Variants in DPP10 observed in about 807,000 individuals in gnomAD.
The protein encoded by DPP10 is dipeptidyl peptidase like 10, also known as inactive dipeptidyl peptidase 10.
Under a neutral mutation model 120.9 loss-of-function variants are expected in DPP10, and 33 were observed. The ratio of observed to expected loss-of-function variants is 0.27; its 90% CI spans 0.21 to 0.37. The LOEUF is 0.37. Among genes scored for constraint, DPP10 ranks in the 10% least tolerant of loss-of-function variants. The pLI is 1.00. For synonymous variants in DPP10, 337 were observed against 326.1 expected (o/e 1.03, Z -0.36); for missense variants, 816 against 942.8 (o/e 0.87, Z 1.76).
intron 3 of DPP10, among the ~76,000 whole-genome samples, chr2:115,458,443 TAAAA>T (rs761584969): frequency 6.6e-5 from 10 of 152,110 alleles, no homozygotes; most frequent in Admixed American, 1.3e-4. Flanking sequence ...TATTTAGACT[TAAAA>T]GAAAAAGACA....
intron 2 of DPP10, among the ~76,000 whole-genome samples, chr2:115,319,645 A>G (rs1272427583): frequency 2.6e-5 from 4 of 152,208 alleles, no homozygotes; most frequent in East Asian, 3.9e-4. Flanking sequence ...TGTTTACATC[A>G]TATAATGTCT....
chr2:115,376,363 A>G (rs2065793783), intron 3 of DPP10, among the ~76,000 whole-genome samples: 1 of 152,010 alleles, frequency 6.6e-6, no homozygotes, highest in Non-Finnish European at 1.5e-5. Flanking sequence ...AAAAGGTGTA[A>G]TTTCACAATA....
chr2:114,556,064 A>T (rs1033981441), intron 1 of DPP10, among the ~76,000 whole-genome samples: 1 of 151,652 alleles, frequency 6.6e-6, no homozygotes, highest in African/African-American at 2.4e-5. Flanking sequence ...AATTGGAGAG[A>T]TCTGATTTAA....
chr2:115,223,454 A>C (rs2057280265), intron 1 of DPP10, among the ~76,000 whole-genome samples: 1 of 152,152 alleles, frequency 6.6e-6, no homozygotes, highest in Admixed American at 6.6e-5. Context: ...ATTAACTAGT[A>C]GTTCTAGGTA....
At chr2:115,028,740 T>G (rs534700918) in intron 1 of DPP10, among the ~76,000 whole-genome samples, 17 of 152,238 alleles carry the variant, frequency 1.1e-4, no homozygotes, top group Non-Finnish European at 2.5e-4. Flanking sequence ...CGGATGCTCC[T>G]GTGTGGGGTG....
At position 115,380,376 on chromosome 2, in the gene DPP10, C is replaced by G. The variant is rs180818783; in HGVS notation, c.271+36464C>G. Among the ~76,000 whole-genome samples, 1,397 of 152,142 alleles carry G rather than the reference C, an allele frequency of 9.2e-3. 21 individuals carry two copies. The highest frequency in any genetic ancestry group is 0.031 in the African/African-American group (1,287 of 41,476). On this transcript the variant is annotated intron_variant, in intron 3 of 25. Coordinates refer to ENST00000410059, the MANE Select transcript of DPP10 (RefSeq NM_020868.6). ...TTTATCAGAGACTAGGATTGCAGCCCCTGCCTTTTTTTGTTTTCCATTTGC... is the reference window on the plus strand; with the variant it reads ...TTTATCAGAGACTAGGATTGCAGCCGCTGCCTTTTTTTGTTTTCCATTTGC...
chr2:115,642,851 A>C (rs925598945), intron 5 of DPP10, among the ~76,000 whole-genome samples: 10 of 151,930 alleles, frequency 6.6e-5, no homozygotes, highest in African/African-American at 2.4e-4. Context: ...AAACATATAG[A>C]TATATAGAGA....
intron 1 of DPP10, among the ~76,000 whole-genome samples, chr2:114,663,271 TACACACAC>T (rs1553478924): frequency 9.5e-5 from 14 of 147,272 alleles, no homozygotes; most frequent in East Asian, 4.1e-4. Flanking sequence ...TATATATATA[TACACACAC>T]ATATATGTAT....
At chr2:115,836,838 C>A in intron 24 of DPP10, 92 bp downstream of exon 24, 1 of 1,178,964 alleles carries the variant, frequency 8.5e-7, no homozygotes, top group South Asian at 1.6e-5. Flanking sequence ...GCCCTGTAAA[C>A]CTTCTGAAGA....
rs993744996 is a variant in DPP10 at position 115,150,373 on chromosome 2, T to C, written c.61-158866T>C. 3.9e-5 allele frequency among the ~76,000 whole-genome samples: 6 copies of C among 152,222 alleles called. 1 individual carries two copies. Among genetic ancestry groups the C allele is most frequent in the African/African-American group, 1.2e-4 (5 of 41,458 alleles). ...AGGAACATCTTCTATTTGCCTCTTATCTATAGTGAAAATTATAGTTCTTAA... is the reference window on the plus strand; with the variant it reads ...AGGAACATCTTCTATTTGCCTCTTACCTATAGTGAAAATTATAGTTCTTAA... On this transcript the variant is annotated intron_variant, in intron 1 of 25. Coordinates refer to ENST00000410059, the MANE Select transcript of DPP10 (RefSeq NM_020868.6).
At chr2:115,618,279 A>AT (rs143694490) in intron 5 of DPP10, among the ~76,000 whole-genome samples, 1 of 152,306 alleles carries the variant, frequency 6.6e-6, no homozygotes, top group East Asian at 1.9e-4. Context: ...AAGGCATAGC[A>AT]TTTTATCTAA....
intron 1 of DPP10, among the ~76,000 whole-genome samples, chr2:114,766,294 C>T (rs562683364): frequency 2.0e-5 from 3 of 152,120 alleles, no homozygotes; most frequent in South Asian, 2.1e-4. Context: ...TAATACCAAA[C>T]GTTTTGCAAG....
At chr2:115,371,957 A>G (rs1452222155) in intron 3 of DPP10, among the ~76,000 whole-genome samples, 1 of 152,158 alleles carries the variant, frequency 6.6e-6, no homozygotes, top group Non-Finnish European at 1.5e-5. Flanking sequence ...GTGAGTGTTC[A>G]TCTGAGAACT....
intron 1 of DPP10, among the ~76,000 whole-genome samples, chr2:114,671,168 G>A (rs1015130899): frequency 2.0e-5 from 3 of 152,252 alleles, no homozygotes; most frequent in East Asian, 1.9e-4. Context: ...TGGGAAGAAT[G>A]TTTTAAGTAG....
intron 1 of DPP10, among the ~76,000 whole-genome samples, chr2:115,265,798 G>GA (rs2059435748): frequency 6.6e-6 from 1 of 152,096 alleles, no homozygotes; most frequent in Admixed American, 6.6e-5. Context: ...AGAAAAAGGG[G>GA]CCAGGCGCGG....
Position 115,777,246 on chromosome 2 carries a change from A to G in DPP10, c.1260A>G (p.Ser420=), listed in dbSNP as rs941013443. Residue 420 remains serine (S), a synonymous_variant, in exon 14 of 26, where the codon TCA becomes TCG. Transcript: ENST00000410059. ...SEQITVRHLT[S]GNWEVIKILA... is the part of the protein sequence containing the mutation. ...AAATTACCGTGCGGCATCTGACATC[A>G]GGAAACTGGGAAGTGATAAAGATCT... The G allele has an allele frequency of 2.5e-6, 4 of 1,613,122 alleles. No individual in the cohort carries two copies. The African/African-American group carries it at 4.0e-5, about 16-fold the overall frequency.
intron 1 of DPP10, among the ~76,000 whole-genome samples, chr2:114,785,830 A>G (rs1682719071): frequency 6.6e-6 from 1 of 152,244 alleles, no homozygotes. Context: ...TTAACCTGTA[A>G]AAGTTGCCTT....
chr2:115,337,661 T>TAAAAAA (rs11458121), intron 2 of DPP10, among the ~76,000 whole-genome samples: 3 of 71,684 alleles, frequency 4.2e-5, no homozygotes, highest in Non-Finnish European at 7.5e-5. Context: ...AGGCTGCTCA[T>TAAAAAA]AAAAAAAAAA....
intron 5 of DPP10, among the ~76,000 whole-genome samples, chr2:115,624,518 A>G (rs2085211930): frequency 6.6e-6 from 1 of 152,238 alleles, no homozygotes; most frequent in Non-Finnish European, 1.5e-5. Context: ...CGTGCAGCCC[A>G]TCACAATTCT....
Sources: allele counts gnomAD v4.1 joint callset (sites outside exome capture counted in the v4.1 genomes callset), GRCh38; gene constraint gnomAD v4.1.1; transcripts MANE v1.5; gene names NCBI Gene and HGNC (gene_info 2026-07-23, HGNC 2026-07-21).